The following BLVRA variants were observed in gnomAD, a reference collection of about 807,000 sequenced individuals.
BLVRA encodes the protein BVR A.
In BLVRA, 22 loss-of-function variants were observed where a neutral mutation model predicts 32.8. The ratio of observed to expected loss-of-function variants is 0.67; its 90% CI spans 0.48 to 0.96. BLVRA has a LOEUF of 0.96. Among genes scored for constraint, BLVRA ranks in the 40% least tolerant of loss-of-function variants. The pLI is 0.00. For synonymous variants in BLVRA, 119 were observed against 141.3 expected (o/e 0.84, Z 1.12); for missense variants, 323 against 358.1 (o/e 0.90, Z 0.79).
intron 6 of BLVRA, among the ~76,000 whole-genome samples, chr7:43,801,465 G>A (rs2095798633): frequency 6.6e-6 from 1 of 152,180 alleles, no homozygotes; most frequent in Admixed American, 6.6e-5. Flanking sequence ...CACCATTCCT[G>A]AGGGCTTTCA....
chr7:43,780,885 G>T (rs943746487), intron 2 of BLVRA, among the ~76,000 whole-genome samples: 2 of 152,256 alleles, frequency 1.3e-5, no homozygotes, highest in Non-Finnish European at 2.9e-5. Context: ...CGTGGCGCAT[G>T]CCTGTAATCC....
At chr7:43,758,924 G>A (rs2095739308) in intron 1 of BLVRA, among the ~76,000 whole-genome samples, 190 bp downstream of exon 1, 1 of 152,044 alleles carries the variant, frequency 6.6e-6, no homozygotes, top group East Asian at 1.9e-4. Context: ...GAGTGAGGAC[G>A]CGGTCGGAGG....
intron 2 of BLVRA, among the ~76,000 whole-genome samples, chr7:43,780,193 A>G (rs1322871471): frequency 6.6e-6 from 1 of 152,074 alleles, no homozygotes; most frequent in Non-Finnish European, 1.5e-5. Context: ...CACAGCTGCC[A>G]CAGGGACCCC....
intron 2 of BLVRA, among the ~76,000 whole-genome samples, chr7:43,777,238 T>A (rs1457127397): frequency 6.6e-6 from 1 of 151,454 alleles, no homozygotes; most frequent in Non-Finnish European, 1.5e-5. Flanking sequence ...TTCCTAGCCT[T>A]GATGGTCTTT....
At chr7:43,784,506 G>A (rs1336283926) in intron 2 of BLVRA, among the ~76,000 whole-genome samples, 1 of 151,476 alleles carries the variant, frequency 6.6e-6, no homozygotes, top group East Asian at 1.9e-4. Flanking sequence ...AGAGGCTCAC[G>A]TTAAAAGGCC....
chr7:43,782,657 C>T (rs1298514962), intron 2 of BLVRA, among the ~76,000 whole-genome samples: 2 of 151,650 alleles, frequency 1.3e-5, no homozygotes, highest in African/African-American at 4.8e-5. Flanking sequence ...ATTCTGGGGA[C>T]ATGGGAGAGA....
chr7:43,791,160 C>T, intron 3 of BLVRA, 89 bp from the exon 4 acceptor site: 1 of 1,590,494 alleles, frequency 6.3e-7, no homozygotes, highest in Non-Finnish European at 8.6e-7. Flanking sequence ...GGCAGCAGAT[C>T]ACCAGGACCT....
intron 5 of BLVRA, among the ~76,000 whole-genome samples, chr7:43,799,299 C>CT (rs1211137157): frequency 6.6e-6 from 1 of 152,184 alleles, no homozygotes. Context: ...GCATCTCCCA[C>CT]TGACCCAGAT....
chr7:43,791,503 C>T, intron 4 of BLVRA, 135 bp downstream of exon 4: 2 of 918,652 alleles, frequency 2.2e-6, no homozygotes, highest in Non-Finnish European at 3.4e-6. Flanking sequence ...TGACCAATCA[C>T]AGAAGTGTCA....
chr7:43,800,826 C>T (rs2095797848), intron 6 of BLVRA, among the ~76,000 whole-genome samples: 1 of 152,132 alleles, frequency 6.6e-6, no homozygotes, highest in African/African-American at 2.4e-5. Context: ...GGAAGTTGTA[C>T]ATTAAAACTC....
intron 2 of BLVRA, among the ~76,000 whole-genome samples, chr7:43,773,358 A>G (rs2095756877): frequency 1.3e-5 from 2 of 150,344 alleles, no homozygotes; most frequent in South Asian, 4.2e-4. Flanking sequence ...CTCATTGTTC[A>G]ATTCCCACCT....
chr7:43,800,928 G>A (rs985573254), intron 6 of BLVRA, among the ~76,000 whole-genome samples: 5 of 152,000 alleles, frequency 3.3e-5, no homozygotes, highest in Admixed American at 2.0e-4. Context: ...TCCTCCTCTA[G>A]CAAGTTACAA....
intron 1 of BLVRA, chr7:43,767,558 A>G: frequency 9.6e-7 from 1 of 1,045,426 alleles, no homozygotes; most frequent in Non-Finnish European, 1.5e-6. Flanking sequence ...TGTGGTCTGG[A>G]ATGAAGGCTC....
chr7:43,762,736 C>T (rs540297992), intron 1 of BLVRA, among the ~76,000 whole-genome samples: 23 of 151,450 alleles, frequency 1.5e-4, no homozygotes, highest in Admixed American at 9.8e-4. Flanking sequence ...CTCAGCCTCC[C>T]GAGTAGCTGG....
At chr7:43,773,983 G>A (rs2095757557) in intron 2 of BLVRA, among the ~76,000 whole-genome samples, 1 of 152,102 alleles carries the variant, frequency 6.6e-6, no homozygotes, top group Non-Finnish European at 1.5e-5. Context: ...TTTTGATGGG[G>A]TTGTTTGTTT....
chr7:43,764,692 G>A (rs1260912714), intron 1 of BLVRA, among the ~76,000 whole-genome samples: 1 of 152,026 alleles, frequency 6.6e-6, no homozygotes, highest in African/African-American at 2.4e-5. Context: ...GTTTGCTTGC[G>A]GAGCCAGAAG....
intron 6 of BLVRA, among the ~76,000 whole-genome samples, chr7:43,801,369 T>C (rs1367430313): frequency 6.6e-5 from 10 of 152,176 alleles, no homozygotes; most frequent in Non-Finnish European, 1.3e-4. Context: ...CCGTTAGCAA[T>C]AGGAAATGGG....
chr7:43,791,344 G>C lies in BLVRA; in HGVS notation c.230G>C (p.Ser77Thr), dbSNP rs767872018. The stretch of plus-strand genomic sequence containing the variant: ...GAGGTCGCCTATATCTGCAGTGAGA[G>C]CTCCAGCCATGAGGACTACATCAGG... Reference protein sequence around the residue: ...EVEVAYICSESSSHEDYIRQF... With the variant: ...EVEVAYICSETSSHEDYIRQF... Residue 77 changes from serine (S) to threonine (T), a missense_variant, in exon 4 of 8, where the codon AGC (serine) becomes ACC (threonine). Transcript: ENST00000265523. 3 of 1,614,156 alleles carry C rather than the reference G, an allele frequency of 1.9e-6. No individual in the cohort carries two copies. Among genetic ancestry groups the C allele is most frequent in the Non-Finnish European group, 2.5e-6 (3 of 1,180,018 alleles).
rs184386305 is a variant in BLVRA, at chr7:43,790,532, G to A, written c.135-717G>A. ...CTTAGCTATAAAGTAGCTCGAAGTC[G>A]CATGCCAGTTTGCACCCTAAATGTG... is the stretch of plus-strand genomic sequence containing the variant. On this transcript the variant is annotated intron_variant, in intron 3 of 7. Transcript: ENST00000265523. 1.2e-3 allele frequency among the ~76,000 whole-genome samples: 185 copies of A among 152,200 alleles called. 5 individuals are homozygous for A. The East Asian group carries it at 0.024, about 20-fold the overall frequency.
Sources: allele counts gnomAD v4.1 joint callset (sites outside exome capture counted in the v4.1 genomes callset), GRCh38; gene constraint gnomAD v4.1.1; transcripts MANE v1.5; gene names NCBI Gene and HGNC (gene_info 2026-07-23, HGNC 2026-07-21).